Variants in TCF7 observed in about 807,000 individuals in gnomAD.
The protein encoded by TCF7 is T-cell-factor-7.
A neutral mutation model predicts 46.8 loss-of-function variants in TCF7; 19 were observed. That is an observed-to-expected ratio of 0.41 (90% confidence interval 0.28 to 0.60). The LOEUF is 0.60. Among genes scored for constraint, TCF7 ranks in the 20% least tolerant of loss-of-function variants. The probability of loss-of-function intolerance (pLI) is 0.35; values close to 1 mark genes in which losing one functional copy is unlikely to be tolerated. For missense variants in TCF7, 547 were observed against 504.6 expected, an observed-to-expected ratio of 1.08 and a Z score of -0.81; for synonymous variants, 245 against 213.4, an observed-to-expected ratio of 1.15 and a Z score of -1.29.
At chr5:134,112,410 C>T (rs1454179922), upstream of TCF7, among the ~76,000 whole-genome samples, 2 of 152,216 alleles carry the variant, frequency 1.3e-5, no homozygotes, top group African/African-American at 4.8e-5. Flanking sequence ...CTTAGCAAGC[C>T]TTCAGACTGA....
At chr5:134,110,473 T>C (rs1043429344), upstream of TCF7, among the ~76,000 whole-genome samples, 7 of 152,188 alleles carry the variant, frequency 4.6e-5, no homozygotes, top group Non-Finnish European at 1.0e-4. Context: ...ACCACCTACA[T>C]GCACACACAT....
At position 134,144,964 on chromosome 5, in the gene TCF7, C is replaced by T. The variant is rs969385025; in HGVS notation, c.1076-1260C>T. On this transcript the variant is annotated intron_variant, in intron 9 of 9. Coordinates refer to ENST00000342854, the MANE Select transcript of TCF7 (RefSeq NM_003202.5). ...GGGCCTGCAGCCCACTCCTTTGGCC[C>T]CTCAGCCCACTAGCATACTCAGCAG... 27 of 1,087,050 alleles carry T rather than the reference C, an allele frequency of 2.5e-5. No homozygotes were observed. In the African/African-American group the frequency reaches 4.2e-4, roughly 17 times the overall value. The allele number at this position is 1,087,050 out of a possible 1,614,324, so 67.3% of individuals were successfully genotyped here.
chr5:134,145,075 T>C (rs549183464), intron 9 of TCF7: 10 of 639,866 alleles, frequency 1.6e-5, no homozygotes, highest in East Asian at 5.6e-5. Flanking sequence ...TGCAGGAGGA[T>C]TGGAGAGAAA....
intron 3 of TCF7, among the ~76,000 whole-genome samples, chr5:134,132,169 A>ACCT (rs1412720925): frequency 1.3e-5 from 2 of 152,182 alleles, no homozygotes; most frequent in Non-Finnish European, 2.9e-5. Context: ...TAGCTGTGTG[A>ACCT]CCTTGTGCCT....
chr5:134,142,579 T>A, intron 6 of TCF7, 142 bp from the exon 7 acceptor site: 1 of 1,155,516 alleles, frequency 8.7e-7, no homozygotes, highest in Non-Finnish European at 1.2e-6. Flanking sequence ...GCTCACCCAT[T>A]TGGGGGCAGC....
chr5:134,139,824 G>A (rs1561689099), intron 5 of TCF7: 2 of 152,356 alleles, frequency 1.3e-5, no homozygotes. Context: ...TGGCCCACTT[G>A]CCCTTTACCC....
intron 3 of TCF7, among the ~76,000 whole-genome samples, chr5:134,137,440 AAAAAAAAC>A (rs1240705474): frequency 2.0e-5 from 3 of 151,436 alleles, no homozygotes; most frequent in South Asian, 4.2e-4. Context: ...AAAAAAAAAA[AAAAAAAAC>A]AGAGAAAAAA....
At chr5:134,138,857 T>C (rs1291295874) in intron 4 of TCF7, 94 bp from the exon 5 acceptor site, 3 of 1,547,934 alleles carry the variant, frequency 1.9e-6, no homozygotes, top group Non-Finnish European at 2.6e-6. Flanking sequence ...TGGTGGGATC[T>C]TAAGGCCCCT....
At position 134,145,804 on chromosome 5, in the gene TCF7, C is replaced by T. The variant is rs369218193; in HGVS notation, c.1076-420C>T. 8.1e-6 allele frequency: 13 copies of T among 1,613,710 alleles called. 1 individual carries two copies. In the South Asian group the frequency reaches 9.9e-5, roughly 12 times the overall value. On this transcript the variant is annotated intron_variant, in intron 9 of 9. Coordinates refer to ENST00000342854, the MANE Select transcript of TCF7 (RefSeq NM_003202.5). ...CAAGAGTCACTGTCCATGTCTTCTT[C>T]CTCTAGCCCAGCTTGAGGACTGGGA...
intron 6 of TCF7, 59 bp from the exon 7 acceptor site, chr5:134,142,662 G>A: frequency 1.9e-6 from 3 of 1,595,078 alleles, no homozygotes; most frequent in Non-Finnish European, 1.7e-6. Flanking sequence ...TAGAGGAGGA[G>A]GCTGCAATTA....
At chr5:134,139,180 C>G in intron 5 of TCF7, 142 bp downstream of exon 5, 2 of 1,310,102 alleles carry the variant, frequency 1.5e-6, no homozygotes, top group Non-Finnish European at 2.1e-6. Flanking sequence ...GCCAGCAACT[C>G]TGTCCTAACC....
chr5:134,114,081 T>G (rs1755464845), upstream of TCF7, among the ~76,000 whole-genome samples: 1 of 152,146 alleles, frequency 6.6e-6, no homozygotes, highest in African/African-American at 2.4e-5. Flanking sequence ...GTGTGATGTA[T>G]AAGCTCTGCA....
At chr5:134,128,984 T>C (rs1315246221) in intron 3 of TCF7, among the ~76,000 whole-genome samples, 1 of 152,248 alleles carries the variant, frequency 6.6e-6, no homozygotes, top group Non-Finnish European at 1.5e-5. Context: ...AGAAAAATTC[T>C]TGGTAGGCTG....
chr5:134,115,955 C>G lies in TCF7; in HGVS notation c.363C>G (p.Val121=). ...ECTSGMYKET[V]YSAFNLLMHY... ...CCAGCGGCATGTACAAAGAGACCGT[C>G]TACTCCGCCTTCAATCTGCTCATGC... is the stretch of plus-strand genomic sequence containing the variant. Residue 121 remains valine, a synonymous_variant, in exon 3 of 10, where the codon GTC becomes GTG. Coordinates refer to ENST00000342854, the MANE Select transcript of TCF7 (RefSeq NM_003202.5). 1.2e-6 allele frequency: 2 copies of G among 1,614,062 alleles called. No individual in the cohort carries two copies. The highest frequency in any genetic ancestry group is 1.7e-6 in the Non-Finnish European group (2 of 1,180,034).
chr5:134,108,992 C>G, the TCF7 span, among the ~76,000 whole-genome samples: 1 of 152,206 alleles, frequency 6.6e-6, no homozygotes, highest in South Asian at 2.1e-4. Context: ...CATAAAACAG[C>G]CAGGAGGGTT....
At chr5:134,112,151 C>G (rs1755337977), upstream of TCF7, among the ~76,000 whole-genome samples, 1 of 152,152 alleles carries the variant, frequency 6.6e-6, no homozygotes, top group Non-Finnish European at 1.5e-5. Context: ...TTTCCAAACC[C>G]TCCTAAGCCA....
chr5:134,129,687 G>T (rs1339185332), intron 3 of TCF7, among the ~76,000 whole-genome samples: 5 of 152,244 alleles, frequency 3.3e-5, no homozygotes, highest in African/African-American at 1.2e-4. Context: ...CACGCCACTC[G>T]GCTAAGTGGG....
intron 5 of TCF7, chr5:134,141,849 C>A (rs1181367562): frequency 9.4e-6 from 2 of 212,716 alleles, no homozygotes; most frequent in Non-Finnish European, 1.9e-5. Flanking sequence ...AAGGGTCAAG[C>A]AGGAGAGGGA....
chr5:134,143,633 C>G lies in TCF7; in HGVS notation c.1068C>G (p.Ser356=). 6.2e-7 allele frequency: 1 copy of G among 1,614,018 alleles called. No homozygotes were observed. The highest frequency in any genetic ancestry group is 8.5e-7 in the Non-Finnish European group (1 of 1,179,998). Residue 356 remains serine, a synonymous_variant, in exon 9 of 10, where the codon TCC becomes TCG. Coordinates refer to ENST00000342854, the MANE Select transcript of TCF7 (RefSeq NM_003202.5). The part of the protein sequence containing the change: ...KRRSREKHQE[S]TTGGKRNAFG... ...GGTCGAGGGAAAAGCACCAAGAATCCACCACAGGTGAGACCTTCTCTCAGC... is the reference window on the plus strand; with the variant it reads ...GGTCGAGGGAAAAGCACCAAGAATCGACCACAGGTGAGACCTTCTCTCAGC...
Sources: allele counts gnomAD v4.1 joint callset (sites outside exome capture counted in the v4.1 genomes callset), GRCh38; gene constraint gnomAD v4.1.1; transcripts MANE v1.5; gene names NCBI Gene and HGNC (gene_info 2026-07-23, HGNC 2026-07-21).